Variants in ENTPD3 observed in about 807,000 individuals in gnomAD.
ENTPD3 encodes CD39 antigen-like 3.
ENTPD3 carries 60 observed loss-of-function variants against 51.2 expected under a neutral mutation model. That is an observed-to-expected ratio of 1.17 (90% CI 0.95 to 1.45). The LOEUF is 1.45. Among genes scored for constraint, ENTPD3 ranks in the 40% most tolerant of loss-of-function variants. The pLI is 0.00. For synonymous variants in ENTPD3, 221 were observed against 238.4 expected (o/e 0.93, Z 0.67); for missense variants, 593 against 641.1 (o/e 0.93, Z 0.81).
At chr3:40,402,119 T>TTTTTC (rs1461280798) in intron 4 of ENTPD3, among the ~76,000 whole-genome samples, 1 of 90,182 alleles carries the variant, frequency 1.1e-5, no homozygotes, top group African/African-American at 3.3e-5. Context: ...TCCTTTTTTT[T>TTTTTC]TTTCTTTTTT....
chr3:40,419,251 G>GT (rs1409290604), intron 7 of ENTPD3, among the ~76,000 whole-genome samples: 1 of 152,108 alleles, frequency 6.6e-6, no homozygotes, highest in Admixed American at 6.5e-5. Flanking sequence ...AAGGACAGGT[G>GT]TATTTTTTTA....
In ENTPD3 at chr3:40,428,429, TA is replaced by T. The variant is rs1408873884; in HGVS notation, c.*922del. ...ACTAACCAATTACTTTCCCAGATCA[TA>T]GACCTCTCTGCATAGTAGTCATAGG... is the stretch of plus-strand genomic sequence containing the variant. On this transcript the variant is annotated 3_prime_UTR_variant, in exon 11 of 11. Transcript: ENST00000301825. The T allele has an allele frequency of 1.3e-5, 2 of 152,306 alleles. No individual in the cohort carries two copies. Among genetic ancestry groups the T allele is most frequent in the Admixed American group, 6.5e-5 (1 of 15,298 alleles). 9.4% of individuals were successfully genotyped at this position (152,306 alleles called of 1,614,324 possible).
chr3:40,400,400 G>A (rs1955323426), intron 3 of ENTPD3, among the ~76,000 whole-genome samples: 2 of 152,132 alleles, frequency 1.3e-5, no homozygotes, highest in African/African-American at 4.8e-5. Context: ...AGGGCATCCA[G>A]GTGACTATTC....
intron 10 of ENTPD3, 105 bp downstream of exon 10, chr3:40,424,068 C>T (rs1955937382): frequency 1.9e-6 from 3 of 1,556,392 alleles, no homozygotes; most frequent in Non-Finnish European, 1.7e-6. Flanking sequence ...GAGTTAAACT[C>T]ACTGGGTGGA....
intron 4 of ENTPD3, among the ~76,000 whole-genome samples, chr3:40,409,200 C>T (rs992590720): frequency 1.3e-5 from 2 of 151,742 alleles, no homozygotes; most frequent in South Asian, 2.1e-4. Context: ...TGTAGTGAGC[C>T]GAGATCATGC....
rs545374968 is a variant in ENTPD3, at chr3:40,414,891, CT to C, written c.597+52del. On this transcript the variant is annotated intron_variant, in intron 6 of 10. Transcript: ENST00000301825. ...TTAATCTTACTGTTTATCCTATCCC[CT>C]GTGAGTGATAGCCTAAGTAGAGGTA... 8.1e-4 allele frequency: 1,278 copies of C among 1,585,304 alleles called. 1 individual carries two copies. Among genetic ancestry groups the C allele is most frequent in the Non-Finnish European group, 1.0e-3 (1,162 of 1,155,736 alleles).
chr3:40,408,675 T>A (rs1056992964), intron 4 of ENTPD3, among the ~76,000 whole-genome samples: 17 of 152,326 alleles, frequency 1.1e-4, no homozygotes, highest in African/African-American at 3.9e-4. Flanking sequence ...TGTGTCTTTT[T>A]AAAAATAACT....
intron 3 of ENTPD3, among the ~76,000 whole-genome samples, chr3:40,397,495 GTATGA>G (rs142781279): frequency 6.6e-5 from 10 of 151,788 alleles, no homozygotes; most frequent in African/African-American, 1.7e-4. Flanking sequence ...GTGTCGAATG[GTATGA>G]TATGATATGA....
intron 3 of ENTPD3, among the ~76,000 whole-genome samples, chr3:40,400,365 G>A (rs1955322063): frequency 6.6e-6 from 1 of 151,896 alleles, no homozygotes. Flanking sequence ...TTTTTAGACT[G>A]ATAAGCCTAG....
At chr3:40,414,460 G>T (rs1263137077) in intron 5 of ENTPD3, among the ~76,000 whole-genome samples, 2 of 152,182 alleles carry the variant, frequency 1.3e-5, no homozygotes, top group Non-Finnish European at 2.9e-5. Flanking sequence ...CAATTTTCCT[G>T]CTTGGCAGTT....
At chr3:40,406,845 C>A (rs1169548151) in intron 4 of ENTPD3, among the ~76,000 whole-genome samples, 2 of 152,142 alleles carry the variant, frequency 1.3e-5, no homozygotes, top group Non-Finnish European at 2.9e-5. Context: ...AAGCATTGTA[C>A]AATGCACAGA....
At chr3:40,425,304 C>T (rs1955959152) in intron 10 of ENTPD3, among the ~76,000 whole-genome samples, 1 of 151,992 alleles carries the variant, frequency 6.6e-6, no homozygotes, top group Non-Finnish European at 1.5e-5. Context: ...GTAATCCCAG[C>T]TACTCAGAGG....
At chr3:40,396,813 T>A (rs1200738583) in intron 3 of ENTPD3, among the ~76,000 whole-genome samples, 1 of 152,210 alleles carries the variant, frequency 6.6e-6, no homozygotes, top group Non-Finnish European at 1.5e-5. Flanking sequence ...GTACTGCCTC[T>A]TGCAGCCATG....
chr3:40,425,897 CA>C (rs201292183), intron 10 of ENTPD3, among the ~76,000 whole-genome samples: 88,838 of 121,724 alleles, frequency 0.73, 34,976 homozygotes, highest in Non-Finnish European at 0.87. Context: ...GACTCTGTCT[CA>C]AAAAAAAAAA....
intron 2 of ENTPD3, among the ~76,000 whole-genome samples, chr3:40,388,585 G>GACACACACAC (rs55657804): frequency 0.013 from 1,691 of 126,244 alleles, 21 homozygotes; most frequent in Admixed American, 0.02. Context: ...CACACACACA[G>GACACACACAC]ACACACACAC....
chr3:40,419,309 G>C (rs932415775), intron 7 of ENTPD3, among the ~76,000 whole-genome samples: 12 of 152,100 alleles, frequency 7.9e-5, no homozygotes, highest in African/African-American at 2.7e-4. Context: ...GAACCATTCA[G>C]ATTACCACCC....
chr3:40,403,872 C>T (rs1955430850), intron 4 of ENTPD3, among the ~76,000 whole-genome samples: 1 of 152,066 alleles, frequency 6.6e-6, no homozygotes, highest in African/African-American at 2.4e-5. Flanking sequence ...TGGTCTTGAA[C>T]TTCTGGGCTC....
chr3:40,426,799 G>A (rs1033079880), intron 10 of ENTPD3, among the ~76,000 whole-genome samples: 1 of 152,084 alleles, frequency 6.6e-6, no homozygotes, highest in Non-Finnish European at 1.5e-5. Flanking sequence ...GATTGCAAAG[G>A]TGAAACATTT....
chr3:40,403,924 C>T (rs1189767116), intron 4 of ENTPD3, among the ~76,000 whole-genome samples: 1 of 152,160 alleles, frequency 6.6e-6, no homozygotes, highest in Admixed American at 6.5e-5. Flanking sequence ...GCTGAGATTA[C>T]AGGTGTGAGC....
Sources: allele counts gnomAD v4.1 joint callset (sites outside exome capture counted in the v4.1 genomes callset), GRCh38; gene constraint gnomAD v4.1.1; transcripts MANE v1.5; gene names NCBI Gene and HGNC (gene_info 2026-07-23, HGNC 2026-07-21).